The following FGF14 variants were observed in gnomAD, a reference collection of about 807,000 sequenced individuals.
FGF14 encodes fibroblast growth factor homologous factor 4.
A neutral mutation model predicts 25.5 loss-of-function variants in FGF14; 5 were observed. That is an observed-to-expected ratio of 0.20 (90% CI 0.10 to 0.41). The LOEUF is 0.41. Ranked by LOEUF, FGF14 falls within the 10% of genes least tolerant of loss-of-function variation. The pLI is 1.00. For missense variants in FGF14, 222 were observed against 320.1 expected (o/e 0.69, Z 2.34); for synonymous variants, 138 against 118.3 (o/e 1.17, Z -1.08).
At chr13:102,009,673 G>GA (rs937034361) in intron 1 of FGF14, among the ~76,000 whole-genome samples, 33 of 149,682 alleles carry the variant, frequency 2.2e-4, no homozygotes, top group East Asian at 5.8e-4. Flanking sequence ...CATTATCTTT[G>GA]AAAAAAAAAC....
At chr13:102,241,700 C>T (rs1461546201) in intron 1 of FGF14, among the ~76,000 whole-genome samples, 2 of 152,094 alleles carry the variant, frequency 1.3e-5, no homozygotes, top group Non-Finnish European at 2.9e-5. Flanking sequence ...GCCAGCCTAT[C>T]CTTCCATTAC....
chr13:101,885,672 T>C (rs1163523182), intron 1 of FGF14, among the ~76,000 whole-genome samples: 4 of 150,308 alleles, frequency 2.7e-5, no homozygotes, highest in African/African-American at 9.9e-5. Flanking sequence ...CCTTTTTTTG[T>C]GTGTGTAACT....
At chr13:101,758,856 T>A (rs73568264) in intron 3 of FGF14, among the ~76,000 whole-genome samples, 2,385 of 152,274 alleles carry the variant, frequency 0.016, 82 homozygotes, top group African/African-American at 0.054. Flanking sequence ...TCTGCTCTAA[T>A]AAGCACCCTA....
chr13:101,956,839 G>A (rs1405552474), intron 1 of FGF14, among the ~76,000 whole-genome samples: 1 of 150,566 alleles, frequency 6.6e-6, no homozygotes, highest in East Asian at 1.9e-4. Context: ...ATGTGGCTGA[G>A]ATGCTCCCAG....
chr13:102,261,338 G>C (rs1461275320), intron 1 of FGF14, among the ~76,000 whole-genome samples: 1 of 152,154 alleles, frequency 6.6e-6, no homozygotes, highest in Non-Finnish European at 1.5e-5. Flanking sequence ...GAAAATCGTT[G>C]AGATATTTAA....
intron 1 of FGF14, among the ~76,000 whole-genome samples, chr13:102,370,400 T>C (rs1484364696): frequency 6.6e-6 from 1 of 152,178 alleles, no homozygotes; most frequent in Non-Finnish European, 1.5e-5. Flanking sequence ...TACATACATA[T>C]ATTTATGGGG....
At chr13:101,946,139 C>T (rs1355339186) in intron 1 of FGF14, among the ~76,000 whole-genome samples, 3 of 152,056 alleles carry the variant, frequency 2.0e-5, no homozygotes, top group Admixed American at 6.6e-5. Flanking sequence ...GGTTCTCACT[C>T]GTGTTTAAGA....
intron 3 of FGF14, among the ~76,000 whole-genome samples, chr13:101,818,911 A>T (rs1594362738): frequency 1.3e-5 from 2 of 152,078 alleles, no homozygotes; most frequent in South Asian, 4.2e-4. Flanking sequence ...TGCATTACTC[A>T]TCCATTACTC....
At chr13:102,104,205 G>A (rs1349575681) in intron 1 of FGF14, among the ~76,000 whole-genome samples, 1 of 152,184 alleles carries the variant, frequency 6.6e-6, no homozygotes, top group Non-Finnish European at 1.5e-5. Flanking sequence ...TTGCAAAGAA[G>A]TTTTGATAAC....
intron 1 of FGF14, among the ~76,000 whole-genome samples, chr13:102,070,779 GTTTTT>G (rs1477101743): frequency 1.3e-5 from 2 of 152,182 alleles, no homozygotes. Flanking sequence ...AATAAGGCAT[GTTTTT>G]TAAAACAGGA....
At chr13:101,948,474 TA>T (rs1312331431) in intron 1 of FGF14, among the ~76,000 whole-genome samples, 1 of 133,966 alleles carries the variant, frequency 7.5e-6, no homozygotes, top group Admixed American at 7.9e-5. Flanking sequence ...TAAAAAAATA[TA>T]TATATATATA....
At chr13:102,308,399 A>G (rs1403367023) in intron 1 of FGF14, among the ~76,000 whole-genome samples, 1 of 152,188 alleles carries the variant, frequency 6.6e-6, no homozygotes. Context: ...AAACAGGTAT[A>G]ATTTCTCCAG....
At chr13:102,193,895 C>A (rs1381614251) in intron 1 of FGF14, among the ~76,000 whole-genome samples, 7 of 44,606 alleles carry the variant, frequency 1.6e-4, no homozygotes. Context: ...TAAAATCAGT[C>A]ATGAATTTTT....
chr13:101,981,867 A>T (rs1284908142), intron 1 of FGF14, among the ~76,000 whole-genome samples: 1 of 152,222 alleles, frequency 6.6e-6, no homozygotes, highest in African/African-American at 2.4e-5. Flanking sequence ...TTAGCTAAGG[A>T]TGAACAGCAA....
intron 3 of FGF14, among the ~76,000 whole-genome samples, 168 bp from the exon 4 acceptor site, chr13:101,726,978 A>G (rs34005081): frequency 6.6e-6 from 1 of 152,124 alleles, no homozygotes; most frequent in Non-Finnish European, 1.5e-5. Flanking sequence ...TTTAAAATAT[A>G]CAATAAATTG....
chr13:102,100,346 T>C (rs780503964), intron 1 of FGF14, among the ~76,000 whole-genome samples: 12 of 152,146 alleles, frequency 7.9e-5, no homozygotes, highest in Non-Finnish European at 1.5e-4. Flanking sequence ...GAGAGAGCCA[T>C]TTCCTTCCCA....
At chr13:101,828,565 G>C (rs191803208) in intron 3 of FGF14, among the ~76,000 whole-genome samples, 2 of 149,972 alleles carry the variant, frequency 1.3e-5, no homozygotes, top group Non-Finnish European at 3.0e-5. Flanking sequence ...TTTCCAAATT[G>C]AAGACTGAAA....
intron 1 of FGF14, among the ~76,000 whole-genome samples, chr13:101,932,756 T>TAAAAAAA (rs869271842): frequency 2.0e-5 from 2 of 98,556 alleles, no homozygotes; most frequent in Non-Finnish European, 4.0e-5. Context: ...AAAATTACAG[T>TAAAAAAA]AAAAAAAAAA....
At chr13:102,228,514 A>G (rs1451568576) in intron 1 of FGF14, among the ~76,000 whole-genome samples, 3 of 152,184 alleles carry the variant, frequency 2.0e-5, no homozygotes, top group African/African-American at 7.2e-5. Context: ...ATTGAAAACA[A>G]TGTTCTCCTA....
Sources: gnomAD v4.1 joint callset for allele counts (sites outside exome capture counted in the v4.1 genomes callset) on GRCh38, gnomAD v4.1.1 for gene constraint, MANE v1.5 for transcripts, NCBI Gene and HGNC (gene_info 2026-07-23, HGNC 2026-07-21) for gene names.